Variants in KCND3 observed in about 807,000 individuals in gnomAD.
KCND3 encodes the protein A-type voltage-gated potassium channel KCND3.
KCND3 carries 9 observed loss-of-function variants against 51.1 expected under a neutral mutation model. That is an observed-to-expected ratio of 0.18 (90% CI 0.11 to 0.31). The LOEUF (loss-of-function observed/expected upper bound fraction) is 0.31, where lower values mean the gene tolerates loss of function less well. Ranked by LOEUF, KCND3 falls within the 10% of genes least tolerant of loss-of-function variation. The pLI, the probability that KCND3 is intolerant of heterozygous loss-of-function variation, is 1.00. For missense variants in KCND3, 526 were observed against 903.8 expected, an observed-to-expected ratio of 0.58 and a Z score of 5.36; for synonymous variants, 349 against 368.0, an observed-to-expected ratio of 0.95 and a Z score of 0.59.
At chr1:111,893,661 T>G (rs1669958817) in intron 2 of KCND3, among the ~76,000 whole-genome samples, 1 of 152,138 alleles carries the variant, frequency 6.6e-6, no homozygotes, top group South Asian at 2.1e-4. Flanking sequence ...AGCCCTTCTC[T>G]TAGGAAGCCA....
chr1:111,776,274 A>C lies in KCND3; in HGVS notation c.1771T>G (p.Ser591Ala). The C allele has an allele frequency of 6.2e-7, 1 of 1,613,670 alleles. No individual in the cohort carries two copies. The highest frequency in any genetic ancestry group is 1.1e-5 in the South Asian group (1 of 91,004). ...SEQPSLTTSR[S>A]SLNLKADDGL... ...TCGTCTGCTTTCAAATTAAGGCTGG[A>C]GCGACTGGGATAGAAAAGAGTGAGT... is the stretch of plus-strand genomic sequence containing the variant. Residue 591 changes from serine (S) to alanine (A), a missense_variant, in exon 8 of 8, where the codon TCC becomes GCC. Coordinates refer to ENST00000302127, the MANE Select transcript of KCND3 (RefSeq NM_001378969.1).
At chr1:111,799,739 C>G (rs906746784) in intron 2 of KCND3, among the ~76,000 whole-genome samples, 1 of 152,200 alleles carries the variant, frequency 6.6e-6, no homozygotes, top group African/African-American at 2.4e-5. Flanking sequence ...TGCACAGCTC[C>G]TAGGAAAAAC....
At chr1:111,787,692 T>C (rs1321291891) in intron 2 of KCND3, among the ~76,000 whole-genome samples, 2 of 152,148 alleles carry the variant, frequency 1.3e-5, no homozygotes, top group African/African-American at 4.8e-5. Flanking sequence ...TGAGGCGCCA[T>C]GAGGAGTTTT....
At chr1:111,781,877 A>G (rs1299325839) in intron 3 of KCND3, among the ~76,000 whole-genome samples, 1 of 152,192 alleles carries the variant, frequency 6.6e-6, no homozygotes, top group African/African-American at 2.4e-5. Context: ...ACAGCCAAAG[A>G]GAGAGGACTA....
chr1:111,790,410 G>A (rs1664777689), intron 2 of KCND3, among the ~76,000 whole-genome samples: 2 of 152,216 alleles, frequency 1.3e-5, no homozygotes, highest in Admixed American at 1.3e-4. Context: ...AATAGGAACT[G>A]TGTCCCTCTT....
intron 2 of KCND3, among the ~76,000 whole-genome samples, chr1:111,942,575 G>A (rs895228059): frequency 5.3e-5 from 8 of 152,174 alleles, no homozygotes; most frequent in Admixed American, 2.0e-4. Flanking sequence ...TGAGGCCTGT[G>A]GGCCAAGCCC....
At chr1:111,787,796 C>T (rs185986433) in intron 2 of KCND3, among the ~76,000 whole-genome samples, 2 of 152,360 alleles carry the variant, frequency 1.3e-5, no homozygotes, top group Admixed American at 1.3e-4. Context: ...AGCACTTCTA[C>T]ATATTTACCT....
At chr1:111,850,684 C>T (rs1437634389) in intron 2 of KCND3, among the ~76,000 whole-genome samples, 1 of 152,186 alleles carries the variant, frequency 6.6e-6, no homozygotes, top group African/African-American at 2.4e-5. Flanking sequence ...GACCACTGCA[C>T]CAGGACTTTC....
chr1:111,966,264 G>T lies in KCND3; in HGVS notation c.1106+15357C>A, dbSNP rs144057682. On this transcript the variant is annotated intron_variant, in intron 2 of 7. Coordinates refer to ENST00000302127, the MANE Select transcript of KCND3 (RefSeq NM_001378969.1). ...CATGCTGCCCACACGGATGCTAACA[G>T]CAATATATAGATTCCCTTGCATTTT... is the stretch of plus-strand genomic sequence containing the variant. Among the ~76,000 whole-genome samples the T allele has an allele frequency of 3.6e-3, 541 of 152,312 alleles. 1 individual carries two copies. Among genetic ancestry groups the T allele is most frequent in the Non-Finnish European group, 5.3e-3 (361 of 68,030 alleles).
chr1:111,852,566 G>A (rs1418834038), intron 2 of KCND3, among the ~76,000 whole-genome samples: 1 of 152,118 alleles, frequency 6.6e-6, no homozygotes, highest in Non-Finnish European at 1.5e-5. Context: ...AACTGAAATC[G>A]AATCCATAAT....
intron 2 of KCND3, among the ~76,000 whole-genome samples, chr1:111,892,898 G>A (rs1171496374): frequency 6.6e-6 from 1 of 152,222 alleles, no homozygotes; most frequent in African/African-American, 2.4e-5. Flanking sequence ...GGGAGCCCAA[G>A]GGCTGAGACG....
Position 111,982,215 on chromosome 1 carries a change from C to T in KCND3, c.512G>A (p.Arg171Gln), listed in dbSNP as rs1674989554. The change falls in exon 2 of 8, where the codon CGG (arginine) becomes CAG (glutamine). Residue 171 changes from arginine to glutamine, a missense_variant. Coordinates refer to ENST00000302127, the MANE Select transcript of KCND3 (RefSeq NM_001378969.1). This position sits in a 1 kb window ranked among gnomAD's most constrained non-coding sequence, Gnocchi z 8.5. Reference sequence around the variant, plus strand: ...GCTGGTGTGGGGGTTCTCGAAGGCCCGCCACATGGTCTGGCGGAAGCTGAG... The same window carrying T: ...GCTGGTGTGGGGGTTCTCGAAGGCCTGCCACATGGTCTGGCGGAAGCTGAG... ...PSLSFRQTMW[R>Q]AFENPHTSTL... 1 of 1,614,066 alleles carries T rather than the reference C, an allele frequency of 6.2e-7. No homozygotes were observed. Among genetic ancestry groups the T allele is most frequent in the Non-Finnish European group, 8.5e-7 (1 of 1,180,012 alleles).
At chr1:111,852,606 G>A (rs759645584) in intron 2 of KCND3, among the ~76,000 whole-genome samples, 1 of 152,182 alleles carries the variant, frequency 6.6e-6, no homozygotes, top group Non-Finnish European at 1.5e-5. Flanking sequence ...GCTGCACTGG[G>A]TTAATTACGC....
chr1:111,804,178 G>A (rs768834219), intron 2 of KCND3, among the ~76,000 whole-genome samples: 9 of 152,222 alleles, frequency 5.9e-5, no homozygotes, highest in Non-Finnish European at 1.0e-4. Flanking sequence ...CCTGGCTTCC[G>A]CCAAGGTGAC....
At chr1:111,827,293 C>T (rs1666622005) in intron 2 of KCND3, among the ~76,000 whole-genome samples, 1 of 152,170 alleles carries the variant, frequency 6.6e-6, no homozygotes, top group Non-Finnish European at 1.5e-5. Context: ...AATACAAGTG[C>T]CAAGAGGAGA....
chr1:111,934,103 G>A lies in KCND3; in HGVS notation c.1106+47518C>T, dbSNP rs143451599. 3.6e-3 allele frequency among the ~76,000 whole-genome samples: 545 copies of A among 152,242 alleles called. 6 individuals carry two copies. The highest frequency in any genetic ancestry group is 0.024 in the Middle Eastern group (7 of 294). On this transcript the variant is annotated intron_variant, in intron 2 of 7. Transcript: ENST00000302127. ...CTCAGCAGGTCAGTTTGTGGCAGCC[G>A]AGCTTCTCCCCGTGTGGTTCTGGGT...
intron 2 of KCND3, among the ~76,000 whole-genome samples, chr1:111,958,156 C>T (rs1673433172): frequency 6.6e-6 from 1 of 152,190 alleles, no homozygotes; most frequent in African/African-American, 2.4e-5. Context: ...CATACATACA[C>T]ACCATGGGGT....
At chr1:111,839,016 C>T (rs1017056459) in intron 2 of KCND3, among the ~76,000 whole-genome samples, 1 of 152,140 alleles carries the variant, frequency 6.6e-6, no homozygotes, top group African/African-American at 2.4e-5. Context: ...TTAGTGAGCC[C>T]CTGCTGGCTC....
chr1:111,830,361 C>T (rs1388990172), intron 2 of KCND3, among the ~76,000 whole-genome samples: 2 of 152,208 alleles, frequency 1.3e-5, no homozygotes, highest in East Asian at 1.9e-4. Flanking sequence ...TCAGACCTTG[C>T]ACTCATTCAT....
Sources: allele counts gnomAD v4.1 joint callset (sites outside exome capture counted in the v4.1 genomes callset), GRCh38; gene constraint gnomAD v4.1.1; non-coding constraint Gnocchi (gnomAD v3.1); transcripts MANE v1.5; gene names NCBI Gene and HGNC (gene_info 2026-07-23, HGNC 2026-07-21).